The following CNTN5 variants were observed in gnomAD, a reference collection of about 807,000 sequenced individuals.
CNTN5 encodes the protein contactin-5.
In CNTN5, 77 loss-of-function variants were observed where a neutral mutation model predicts 129.1. The observed-to-expected ratio is 0.60, with a 90% confidence interval of 0.50 to 0.72. CNTN5 has a LOEUF of 0.72. Among genes scored for constraint, CNTN5 ranks in the 30% least tolerant of loss-of-function variants. CNTN5 has a pLI of 0.00. For synonymous variants in CNTN5, 509 were observed against 465.6 expected (o/e 1.09, Z -1.20); for missense variants, 1,478 against 1,328.8 (o/e 1.11, Z -1.75).
intron 21 of CNTN5, chr11:100,309,161 T>C: frequency 5.1e-6 from 5 of 985,006 alleles, no homozygotes; most frequent in Non-Finnish European, 6.0e-6. Context: ...GGGGATAATG[T>C]CTAAAAGAAA....
At chr11:99,557,983 C>T (rs958856722) in intron 3 of CNTN5, among the ~76,000 whole-genome samples, 8 of 151,602 alleles carry the variant, frequency 5.3e-5, no homozygotes, top group African/African-American at 1.5e-4. Flanking sequence ...TACTATTATA[C>T]GTTCAACACG....
At position 100,271,115 on chromosome 11, in the gene CNTN5, A is replaced by C. The variant is rs761248354; in HGVS notation, c.2188A>C (p.Met730Leu). 2 of 1,611,092 alleles carry C rather than the reference A, an allele frequency of 1.2e-6. No individual in the cohort carries two copies. Among genetic ancestry groups the C allele is most frequent in the Non-Finnish European group, 1.7e-6 (2 of 1,178,932 alleles). ...AGTCCCAGAAATCATAACAGGGGAC[A>C]TGGAGTCAGCCATGGCTGTGGACCT... Reference protein sequence around the residue: ...KTVPEIITGDMESAMAVDLNP... With the variant: ...KTVPEIITGDLESAMAVDLNP... The change falls in exon 18 of 25, where the codon ATG becomes CTG. Residue 730 changes from methionine (M) to leucine (L), a missense_variant. By Grantham distance (15) the Met-to-Leu change is conservative. Coordinates refer to ENST00000524871, the MANE Select transcript of CNTN5 (RefSeq NM_014361.4).
chr11:100,209,858 A>T (rs933050149), intron 15 of CNTN5, among the ~76,000 whole-genome samples: 1 of 152,218 alleles, frequency 6.6e-6, no homozygotes, highest in Non-Finnish European at 1.5e-5. Context: ...AGCATGTTCC[A>T]GTTGTTTCCT....
chr11:99,061,566 C>T (rs147795774), intron 1 of CNTN5, among the ~76,000 whole-genome samples: 73 of 152,102 alleles, frequency 4.8e-4, no homozygotes, highest in African/African-American at 1.7e-3. Flanking sequence ...AAGTTCTTAG[C>T]CAAGATAAAA....
At chr11:99,949,974 G>A (rs1235511652) in intron 7 of CNTN5, among the ~76,000 whole-genome samples, 3 of 152,172 alleles carry the variant, frequency 2.0e-5, no homozygotes, top group Non-Finnish European at 4.4e-5. Flanking sequence ...TAATTATGAA[G>A]AACTCTGCTT....
At chr11:99,203,374 A>G (rs1859313265) in intron 1 of CNTN5, among the ~76,000 whole-genome samples, 1 of 152,196 alleles carries the variant, frequency 6.6e-6, no homozygotes, top group Non-Finnish European at 1.5e-5. Context: ...ACTTTGGGGA[A>G]GAAAATTTAG....
intron 15 of CNTN5, among the ~76,000 whole-genome samples, chr11:100,217,027 T>C (rs1294849708): frequency 1.3e-5 from 2 of 152,170 alleles, no homozygotes; most frequent in East Asian, 1.9e-4. Flanking sequence ...TCAACTGCTA[T>C]GGGAATTGGT....
At chr11:99,023,575 A>G (rs1178299337) in intron 1 of CNTN5, among the ~76,000 whole-genome samples, 1 of 152,218 alleles carries the variant, frequency 6.6e-6, no homozygotes, top group Non-Finnish European at 1.5e-5. Context: ...GATGGCTGTA[A>G]TACTGTGAAG....
intron 3 of CNTN5, among the ~76,000 whole-genome samples, chr11:99,563,019 A>G (rs1948891570): frequency 6.6e-6 from 1 of 152,236 alleles, no homozygotes; most frequent in Non-Finnish European, 1.5e-5. Flanking sequence ...ATAATGAGTT[A>G]TAAGACAAGG....
At chr11:100,180,991 T>C (rs550972112) in intron 13 of CNTN5, among the ~76,000 whole-genome samples, 1 of 152,158 alleles carries the variant, frequency 6.6e-6, no homozygotes, top group Non-Finnish European at 1.5e-5. Context: ...AAAAACATTT[T>C]GGCTGTTTCT....
At chr11:99,599,892 T>C (rs915425446) in intron 3 of CNTN5, among the ~76,000 whole-genome samples, 1 of 152,086 alleles carries the variant, frequency 6.6e-6, no homozygotes, top group Non-Finnish European at 1.5e-5. Context: ...ATATTTAATA[T>C]ATTATACATA....
At chr11:99,149,889 G>A (rs11218558) in intron 1 of CNTN5, among the ~76,000 whole-genome samples, 24,492 of 151,850 alleles carry the variant, frequency 0.16, 2,035 homozygotes, top group African/African-American at 0.18. Context: ...AGATAATTTG[G>A]GATACACAAC....
At chr11:99,848,478 G>T (rs1283495170) in intron 6 of CNTN5, among the ~76,000 whole-genome samples, 2 of 151,466 alleles carry the variant, frequency 1.3e-5, no homozygotes, top group South Asian at 2.1e-4. Context: ...ATATTTAATC[G>T]ACTGAGATAA....
chr11:99,219,280 T>C lies in CNTN5; in HGVS notation c.-209-106066T>C, dbSNP rs545410196. ...TTTACATACTAAATATTAAATAGTA[T>C]ACTATATAAAGGTAATAAAGCCAAA... On this transcript the variant is annotated intron_variant, in intron 1 of 24. Coordinates refer to ENST00000524871, the MANE Select transcript of CNTN5 (RefSeq NM_014361.4). 1.6e-4 allele frequency among the ~76,000 whole-genome samples: 24 copies of C among 152,040 alleles called. 1 individual carries two copies. The South Asian group carries it at 4.8e-3, about 30-fold the overall frequency.
chr11:99,615,767 T>C (rs1454855508), intron 3 of CNTN5, among the ~76,000 whole-genome samples: 2 of 152,054 alleles, frequency 1.3e-5, no homozygotes, highest in Admixed American at 6.6e-5. Context: ...GTTTTTTTTT[T>C]TTAATTTTTT....
chr11:99,391,441 C>T (rs1190720252), intron 2 of CNTN5, among the ~76,000 whole-genome samples: 1 of 152,096 alleles, frequency 6.6e-6, no homozygotes, highest in African/African-American at 2.4e-5. Context: ...GCATGAAAAG[C>T]ACTAAATTTA....
intron 3 of CNTN5, among the ~76,000 whole-genome samples, chr11:99,646,939 C>G (rs1951986681): frequency 6.6e-6 from 1 of 151,740 alleles, no homozygotes; most frequent in Non-Finnish European, 1.5e-5. Flanking sequence ...GGTATTAATT[C>G]CCTGTCAGAT....
rs111267307 is a variant in CNTN5, at chr11:99,792,538, G to GGTGTGTGTGT, written c.56-26977_56-26968dup. Among the ~76,000 whole-genome samples the GGTGTGTGTGT allele has an allele frequency of 1.8e-3, 233 of 127,756 alleles. 1 individual carries two copies. The highest frequency in any genetic ancestry group is 6.3e-3 in the African/African-American group (195 of 31,132). The allele number at this position is 127,756 out of a possible 152,430, so 83.8% of individuals were successfully genotyped here. A position where few individuals can be genotyped will look rare whatever the true frequency, so the allele number is the denominator to read the frequency against. ...TATTGAGGATATTGGCCTGAAGAGG[G>GGTGTGTGTGT]GTGTGTGTGTGTGTGTGTGTGTGTG... On this transcript the variant is annotated intron_variant, in intron 3 of 24. Transcript: ENST00000524871.
intron 1 of CNTN5, among the ~76,000 whole-genome samples, chr11:99,210,827 C>A (rs1388298107): frequency 6.6e-6 from 1 of 150,558 alleles, no homozygotes; most frequent in Non-Finnish European, 1.5e-5. Context: ...ACATTTTCTC[C>A]TTGATCATAT....
Sources: gnomAD v4.1 joint callset for allele counts (sites outside exome capture counted in the v4.1 genomes callset) on GRCh38, gnomAD v4.1.1 for gene constraint, MANE v1.5 for transcripts, NCBI Gene and HGNC (gene_info 2026-07-23, HGNC 2026-07-21) for gene names.